Variants in ZNF197 observed in about 807,000 individuals in gnomAD.
ZNF197 encodes the protein VHL-associated KRAB-A domain-containing protein.
ZNF197 carries 14 observed loss-of-function variants against 27.4 expected under a neutral mutation model. The ratio of observed to expected loss-of-function variants is 0.51; its 90% CI spans 0.34 to 0.80. ZNF197 has a LOEUF of 0.80. Among genes scored for constraint, ZNF197 ranks in the 30% least tolerant of loss-of-function variants. The pLI, the probability that ZNF197 is intolerant of heterozygous loss-of-function variation, is 0.02. For missense variants in ZNF197, 1,090 were observed against 1,222.6 expected (o/e 0.89, Z 1.62); for synonymous variants, 415 against 420.0 (o/e 0.99, Z 0.15).
In ZNF197 at chr3:44,632,513, C is replaced by T. The variant is rs1702071353; in HGVS notation, c.683C>T (p.Ser228Leu). The change falls in exon 5 of 6, where the codon TCA becomes TTA. Residue 228 changes from serine to leucine, a missense_variant. Transcript: ENST00000344387. ...GAGGAGGTGTCAGTATGCTTCACTT[C>T]AGAGGAATGGGCATGTCTGGGCCCA... ...MFEEVSVCFT[S>L]EEWACLGPIQ... The T allele has an allele frequency of 6.2e-7, 1 of 1,609,248 alleles. No individual in the cohort carries two copies. The highest frequency in any genetic ancestry group is 2.2e-5 in the East Asian group (1 of 44,852).
chr3:44,629,259 C>T lies in ZNF197; in HGVS notation c.105C>T (p.Ser35=). The part of the protein sequence containing the change: ...KWGTSFQGSS[S]SVWETSHLHF... ...GAACCAGCTTCCAAGGAAGTAGCTC[C>T]TCTGTTTGGGAGACCTCCCACCTAC... Residue 35 remains serine, a synonymous_variant, in exon 2 of 6, where the codon TCC becomes TCT. Coordinates refer to ENST00000344387, the MANE Select transcript of ZNF197 (RefSeq NM_006991.5). 1.2e-6 allele frequency: 2 copies of T among 1,614,132 alleles called. No individual in the cohort carries two copies. Among genetic ancestry groups the T allele is most frequent in the Non-Finnish European group, 1.7e-6 (2 of 1,180,020 alleles).
chr3:44,639,537 T>C (rs973726237), intron 5 of ZNF197, among the ~76,000 whole-genome samples: 31 of 152,034 alleles, frequency 2.0e-4, no homozygotes, highest in African/African-American at 7.5e-4. Flanking sequence ...TTTTCCATTT[T>C]TTTTCTTGAG....
At chr3:44,637,576 GTTTTC>G (rs888594709) in intron 5 of ZNF197, among the ~76,000 whole-genome samples, 16 of 152,022 alleles carry the variant, frequency 1.1e-4, no homozygotes, top group African/African-American at 3.9e-4. Flanking sequence ...TTATGTCTAT[GTTTTC>G]TTTTAAGTTT....
In ZNF197 at chr3:44,642,701, G is replaced by A. The variant is rs1559473960; in HGVS notation, c.1571G>A (p.Ser524Asn). The A allele has an allele frequency of 1.2e-6, 2 of 1,613,840 alleles. No individual in the cohort carries two copies. The highest frequency in any genetic ancestry group is 3.3e-5 in the Admixed American group (2 of 60,004). ...KCQKAFILKK[S>N]LILHQRIHSG... ...CAGAAAGCTTTCATTCTGAAGAAGA[G>A]CCTCATTCTGCACCAGAGAATCCAC... The change falls in exon 6 of 6, where the codon AGC (serine) becomes AAC (asparagine). Residue 524 changes from serine to asparagine, a missense_variant. Transcript: ENST00000344387.
intron 5 of ZNF197, among the ~76,000 whole-genome samples, chr3:44,641,235 G>A (rs1387808664): frequency 6.6e-6 from 1 of 151,866 alleles, no homozygotes; most frequent in African/African-American, 2.4e-5. Flanking sequence ...TTTCTTTTCT[G>A]TATTTCTTCT....
chr3:44,635,738 C>T lies in ZNF197; in HGVS notation c.769+3139C>T, dbSNP rs574419871. 2.6e-5 allele frequency among the ~76,000 whole-genome samples: 4 copies of T among 152,252 alleles called. No homozygotes were observed. In the South Asian group the frequency reaches 6.2e-4, roughly 24 times the overall value. ...AGTACATTCAGATTGGAGAGATAGA[C>T]ATTTCCACTTATAATTACAATACAA... On this transcript the variant is annotated intron_variant, in intron 5 of 5. Transcript: ENST00000344387.
chr3:44,629,105 A>G lies in ZNF197; in HGVS notation c.-50A>G, dbSNP rs1452906299. On this transcript the variant is annotated 5_prime_UTR_variant, in exon 2 of 6. Coordinates refer to ENST00000344387, the MANE Select transcript of ZNF197 (RefSeq NM_006991.5). Reference sequence around the variant, plus strand: ...CTCTCCAAGCTGTAAGGAAGAAGTCAAGGATTAAGGAGACCTGGACTGGAG... The same window carrying G: ...CTCTCCAAGCTGTAAGGAAGAAGTCGAGGATTAAGGAGACCTGGACTGGAG... 6.5e-7 allele frequency: 1 copy of G among 1,542,766 alleles called. No individual in the cohort carries two copies. The highest frequency in any genetic ancestry group is 1.4e-5 in the African/African-American group (1 of 72,078).
Position 44,645,291 on chromosome 3 carries a change from G to A in ZNF197, c.*1071G>A, listed in dbSNP as rs1033864885. On this transcript the variant is annotated 3_prime_UTR_variant, in exon 6 of 6. Coordinates refer to ENST00000344387, the MANE Select transcript of ZNF197 (RefSeq NM_006991.5). The stretch of plus-strand genomic sequence containing the variant: ...GTTATGGTAAAAGTTTAGAACATGG[G>A]ATCATGTAAGTTTGTGTATTAAGTC... The A allele has an allele frequency of 4.4e-5, 43 of 985,290 alleles. 1 individual carries two copies. In the South Asian group the frequency reaches 1.6e-3, roughly 37 times the overall value. 61.0% of individuals were successfully genotyped at this position (985,290 alleles called of 1,614,324 possible). A position where few individuals can be genotyped will look rare whatever the true frequency, so the allele number is the denominator to read the frequency against.
Position 44,629,135 on chromosome 3 carries a change from G to C in ZNF197, c.-20G>C, listed in dbSNP as rs764176944. ...TTAAGGAGACCTGGACTGGAGAGGA[G>C]CCTTTTTCAAAAAACAACAATGACA... On this transcript the variant is annotated 5_prime_UTR_variant, in exon 2 of 6. Coordinates refer to ENST00000344387, the MANE Select transcript of ZNF197 (RefSeq NM_006991.5). 3.1e-6 allele frequency: 5 copies of C among 1,592,712 alleles called. No homozygotes were observed. In the Admixed American group the frequency reaches 8.9e-5, roughly 28 times the overall value.
At chr3:44,626,290 C>G (rs1701656042) in intron 1 of ZNF197, among the ~76,000 whole-genome samples, 1 of 151,724 alleles carries the variant, frequency 6.6e-6, no homozygotes, top group Admixed American at 6.6e-5. Context: ...ATCCAGCCCT[C>G]CCACCCCCAC....
Position 44,646,606 on chromosome 3 carries a change from A to G in ZNF197, c.*2386A>G. 2 of 832,968 alleles carry G rather than the reference A, an allele frequency of 2.4e-6. No individual in the cohort carries two copies. The highest frequency in any genetic ancestry group is 1.4e-5 in the South Asian group (1 of 70,474). The allele number at this position is 832,968 out of a possible 1,614,324, so 51.6% of individuals were successfully genotyped here. On this transcript the variant is annotated 3_prime_UTR_variant, in exon 6 of 6. Coordinates refer to ENST00000344387, the MANE Select transcript of ZNF197 (RefSeq NM_006991.5). ...GCCCTGGATTCTTCAAAATATTATT[A>G]TGATGAAAAAGAGAGGGGAGTGAAA...
In ZNF197 at chr3:44,646,396, T is replaced by C; in HGVS notation, c.*2176T>C. 3.8e-6 allele frequency: 6 copies of C among 1,596,340 alleles called. No homozygotes were observed. Among genetic ancestry groups the C allele is most frequent in the Non-Finnish European group, 5.1e-6 (6 of 1,171,488 alleles). On this transcript the variant is annotated 3_prime_UTR_variant, in exon 6 of 6. Transcript: ENST00000344387. ...TAACAAAATGTCACATTGCTTAGATTGAGACAGCCCACATAATGTGCCACC... is the reference window on the plus strand; with the variant it reads ...TAACAAAATGTCACATTGCTTAGATCGAGACAGCCCACATAATGTGCCACC...
At chr3:44,641,310 A>T (rs1431213058) in intron 5 of ZNF197, among the ~76,000 whole-genome samples, 1 of 152,222 alleles carries the variant, frequency 6.6e-6, no homozygotes, top group Non-Finnish European at 1.5e-5. Flanking sequence ...GAATTTTAAA[A>T]TTTCCATTTC....
Position 44,641,905 on chromosome 3 carries a change from G to A in ZNF197, c.775G>A (p.Glu259Lys), listed in dbSNP as rs374379374. The A allele has an allele frequency of 3.2e-6, 5 of 1,585,086 alleles. No homozygotes were observed. The Admixed American group carries it at 7.4e-5, about 24-fold the overall frequency. Residue 259 changes from glutamate to lysine, a missense_variant, in exon 6 of 6, where the codon GAG (glutamate) becomes AAG (lysine). Physicochemically the swap from Glu to Lys is moderately conservative, Grantham distance 56 (BLOSUM62 1). Coordinates refer to ENST00000344387, the MANE Select transcript of ZNF197 (RefSeq NM_006991.5). ...TTTTTAATTCCTTTTACCAGAATGG[G>A]AGACCATGACCGAGAATGAGGAGGT... The part of the protein sequence containing the change: ...NYGNVTSLEW[E>K]TMTENEEVTS...
Position 44,629,349 on chromosome 3 carries a change from A to C in ZNF197, c.195A>C (p.Glu65Asp). Reference protein sequence around the residue: ...GPQEALSRLRELCRRWLRPEA... With the variant: ...GPQEALSRLRDLCRRWLRPEA... Reference sequence around the variant, plus strand: ...AGGAAGCCCTGAGCCGGCTCAGGGAACTCTGTCGCCGGTGGCTGAGACCAG... The same window carrying C: ...AGGAAGCCCTGAGCCGGCTCAGGGACCTCTGTCGCCGGTGGCTGAGACCAG... The change falls in exon 2 of 6, where the codon GAA becomes GAC. Residue 65 changes from glutamate to aspartate, a missense_variant. Physicochemically the swap from Glu to Asp is conservative, Grantham distance 45. Coordinates refer to ENST00000344387, the MANE Select transcript of ZNF197 (RefSeq NM_006991.5). 2 of 1,614,020 alleles carry C rather than the reference A, an allele frequency of 1.2e-6. No individual in the cohort carries two copies. Among genetic ancestry groups the C allele is most frequent in the Non-Finnish European group, 1.7e-6 (2 of 1,179,998 alleles).
Position 44,646,822 on chromosome 3 carries a change from CAG to C in ZNF197, c.*2603_*2604del, listed in dbSNP as rs1261395789. The C allele has an allele frequency of 1.2e-5, 4 of 338,320 alleles. No individual in the cohort carries two copies. Among genetic ancestry groups the C allele is most frequent in the African/African-American group, 4.3e-5 (2 of 46,772 alleles). The allele number at this position is 338,320 out of a possible 1,614,324, so 21.0% of individuals were successfully genotyped here. On this transcript the variant is annotated 3_prime_UTR_variant, in exon 6 of 6. Transcript: ENST00000344387. ...ACATAAATGGCCAATTGATTTTTGA[CAG>C]GGGCAAAAGCAATTCAATGGAGGAG... is the stretch of plus-strand genomic sequence containing the variant.
intron 2 of ZNF197, among the ~76,000 whole-genome samples, chr3:44,630,263 C>G (rs1701907342): frequency 2.0e-5 from 3 of 152,146 alleles, no homozygotes; most frequent in African/African-American, 7.2e-5. Flanking sequence ...AAGAATGAAG[C>G]TTTCCACATC....
intron 2 of ZNF197, among the ~76,000 whole-genome samples, chr3:44,629,754 C>G (rs1418984551): frequency 2.0e-5 from 3 of 152,188 alleles, no homozygotes; most frequent in Non-Finnish European, 2.9e-5. Context: ...GTCTTCGGGT[C>G]CAACTGAGAA....
rs755251606 is a variant in ZNF197, at chr3:44,644,256, TTAAG to T, written c.*40_*43del. ...AAAATGGAATAGAATCCCTGCCTACTTAAGTAACTGTTGGACAAATGATATATAT... is the reference window on the plus strand; with the variant it reads ...AAAATGGAATAGAATCCCTGCCTACTTAACTGTTGGACAAATGATATATAT... On this transcript the variant is annotated 3_prime_UTR_variant, in exon 6 of 6. Transcript: ENST00000344387. The T allele has an allele frequency of 6.5e-6, 10 of 1,542,436 alleles. No homozygotes were observed. In the Admixed American group the frequency reaches 6.5e-5, roughly 10 times the overall value.
Sources: allele counts gnomAD v4.1 joint callset (sites outside exome capture counted in the v4.1 genomes callset), GRCh38; gene constraint gnomAD v4.1.1; transcripts MANE v1.5; gene names NCBI Gene and HGNC (gene_info 2026-07-23, HGNC 2026-07-21).